The following DNAH11 variants were observed in gnomAD, a reference collection of about 807,000 sequenced individuals.
DNAH11 encodes the protein axonemal beta dynein heavy chain 11.
A neutral mutation model predicts 526.0 loss-of-function variants in DNAH11; 442 were observed. That is an observed-to-expected ratio of 0.84 (90% CI 0.78 to 0.91). The LOEUF (loss-of-function observed/expected upper bound fraction) is 0.91, where lower values mean the gene tolerates loss of function less well. Among genes scored for constraint, DNAH11 ranks in the 40% least tolerant of loss-of-function variants. DNAH11 has a pLI of 0.00. For missense variants in DNAH11, 6,989 were observed against 5,448.7 expected, an observed-to-expected ratio of 1.28 and a Z score of -8.90; for synonymous variants, 2,461 against 1,935.9, an observed-to-expected ratio of 1.27 and a Z score of -7.12.
intron 61 of DNAH11, among the ~76,000 whole-genome samples, chr7:21,798,252 G>A (rs1788804569): frequency 6.6e-6 from 1 of 152,136 alleles, no homozygotes; most frequent in Non-Finnish European, 1.5e-5. Flanking sequence ...GTGCCACCAT[G>A]CCCGGCTAAT....
At chr7:21,620,531 C>G (rs755101346) in intron 25 of DNAH11, among the ~76,000 whole-genome samples, 2 of 151,966 alleles carry the variant, frequency 1.3e-5, no homozygotes, top group Non-Finnish European at 2.9e-5. Flanking sequence ...TAGGGTCATC[C>G]ATGTTGTTGC....
rs72657393 is a variant in DNAH11, at chr7:21,808,041, C to T, written c.10324C>T (p.Gln3442Ter). ...LVHCKWVPFL[Q>*]QKVSIPLTEG... is the part of the protein sequence containing the mutation. ...GCACTGCAAGTGGGTTCCCTTTCTT[C>T]AACAGAAGGTAAGTTCAGTTCCTTA... Residue 3442 changes from glutamine (Q) to a stop codon, truncating the protein, a stop_gained, in exon 63 of 82, where the codon CAA (glutamine) becomes TAA (stop). Coordinates refer to ENST00000409508, the MANE Select transcript of DNAH11 (RefSeq NM_001277115.2). LOFTEE classifies it high-confidence loss of function. The T allele has an allele frequency of 2.0e-6, 3 of 1,534,406 alleles. No homozygotes were observed. Among genetic ancestry groups the T allele is most frequent in the Non-Finnish European group, 2.7e-6 (3 of 1,128,060 alleles).
At chr7:21,755,332 G>T (rs191820756) in intron 54 of DNAH11, among the ~76,000 whole-genome samples, 12 of 152,220 alleles carry the variant, frequency 7.9e-5, no homozygotes, top group Admixed American at 7.2e-4. Flanking sequence ...TCATCTTGCA[G>T]CTCGAATATA....
chr7:21,776,456 A>G (rs1787675948), intron 56 of DNAH11, among the ~76,000 whole-genome samples: 1 of 152,182 alleles, frequency 6.6e-6, no homozygotes, highest in Non-Finnish European at 1.5e-5. Flanking sequence ...ATGCCTGTAT[A>G]TTGGGGCATG....
At position 21,601,375 on chromosome 7, in the gene DNAH11, A is replaced by G. The variant is rs542832411; in HGVS notation, c.3426-21A>G. The G allele has an allele frequency of 2.2e-4, 358 of 1,591,548 alleles. 2 individuals are homozygous for G. In the Middle Eastern group the frequency reaches 3.1e-3, roughly 14 times the overall value. On this transcript the variant is annotated intron_variant, in intron 17 of 81. Transcript: ENST00000409508. ...TAATAAACTTAATTTGTGTGTATCTATGTACATATATATTTAATAGTCTGA... is the reference window on the plus strand; with the variant it reads ...TAATAAACTTAATTTGTGTGTATCTGTGTACATATATATTTAATAGTCTGA...
chr7:21,794,784 T>C (rs964781159), intron 61 of DNAH11, among the ~76,000 whole-genome samples: 1 of 152,196 alleles, frequency 6.6e-6, no homozygotes, highest in African/African-American at 2.4e-5. Flanking sequence ...ATACTTCCTC[T>C]GGGTTACGGT....
chr7:21,712,666 T>C (rs776101309), intron 42 of DNAH11, among the ~76,000 whole-genome samples: 7 of 152,252 alleles, frequency 4.6e-5, no homozygotes, highest in Non-Finnish European at 8.8e-5. Context: ...TTTGTATGTC[T>C]TCTTTGGAAA....
At chr7:21,544,301 ATG>A (rs1449680484) in intron 1 of DNAH11, among the ~76,000 whole-genome samples, 2 of 152,208 alleles carry the variant, frequency 1.3e-5, no homozygotes, top group Non-Finnish European at 2.9e-5. Flanking sequence ...TTAACATGTT[ATG>A]TCGTTTTATC....
intron 48 of DNAH11, among the ~76,000 whole-genome samples, chr7:21,741,557 G>T (rs1480662599): frequency 8.5e-5 from 13 of 152,196 alleles, no homozygotes; most frequent in Admixed American, 8.5e-4. Context: ...GATCTTGGCT[G>T]GGCTCATCTG....
At chr7:21,699,230 G>T (rs1783966696) in intron 36 of DNAH11, among the ~76,000 whole-genome samples, 1 of 152,126 alleles carries the variant, frequency 6.6e-6, no homozygotes, top group Non-Finnish European at 1.5e-5. Context: ...GGGTTGACTG[G>T]TTTTTTGTTC....
At chr7:21,623,073 A>T (rs2128455435) in intron 25 of DNAH11, among the ~76,000 whole-genome samples, 1 of 151,842 alleles carries the variant, frequency 6.6e-6, no homozygotes, top group Non-Finnish European at 1.5e-5. Flanking sequence ...TACTCATCTG[A>T]CAAAGGGCTA....
At chr7:21,663,757 C>CTTTT (rs34243043) in intron 30 of DNAH11, among the ~76,000 whole-genome samples, 2 of 145,758 alleles carry the variant, frequency 1.4e-5, no homozygotes, top group Non-Finnish European at 3.0e-5. Context: ...ACAGGATTTC[C>CTTTT]TTTTTTTTTT....
In DNAH11 at chr7:21,654,520, C is replaced by G. The variant is rs545224405; in HGVS notation, c.4945-1312C>G. Among the ~76,000 whole-genome samples, 6 of 152,226 alleles carry G rather than the reference C, an allele frequency of 3.9e-5. No individual in the cohort carries two copies. The South Asian group carries it at 1.2e-3, about 32-fold the overall frequency. On this transcript the variant is annotated intron_variant, in intron 28 of 81. Transcript: ENST00000409508. ...CATTTAGGTTGTTTCCGCCTTTTGG[C>G]TATTGTGAATAATGCTTCGATGAAC...
chr7:21,677,911 C>G (rs1177600928), intron 30 of DNAH11, among the ~76,000 whole-genome samples: 5 of 152,104 alleles, frequency 3.3e-5, no homozygotes, highest in African/African-American at 1.2e-4. Flanking sequence ...TTGCCCATTG[C>G]TAATCAGCCT....
rs1483834049 is a variant in DNAH11 at position 21,868,868 on chromosome 7, A to T, written c.11844A>T (p.Lys3948Asn). 1.9e-6 allele frequency: 3 copies of T among 1,613,904 alleles called. No homozygotes were observed. Among genetic ancestry groups the T allele is most frequent in the Non-Finnish European group, 2.5e-6 (3 of 1,179,854 alleles). ...CCGTGGTGTATTCTCCCACAGGCAA[A>T]AGACTTGGCTTTACAATTGACTCTG... ...DALKDLEILGKRLGFTIDSGK... is the reference protein window; with the variant it reads ...DALKDLEILGNRLGFTIDSGK... The change falls in exon 73 of 82, where the codon AAA (lysine) becomes AAT (asparagine). Residue 3948 changes from lysine to asparagine, a missense_variant. Physicochemically the swap from Lys to Asn is moderately conservative, Grantham distance 94 (BLOSUM62 0). Coordinates refer to ENST00000409508, the MANE Select transcript of DNAH11 (RefSeq NM_001277115.2).
chr7:21,744,422 CAT>C lies in DNAH11; in HGVS notation c.8155-15_8155-14del. 7 of 1,610,086 alleles carry C rather than the reference CAT, an allele frequency of 4.3e-6. No homozygotes were observed. Among genetic ancestry groups the C allele is most frequent in the Non-Finnish European group, 5.9e-6 (7 of 1,178,702 alleles). On this transcript the variant is annotated splice_polypyrimidine_tract_variant and intron_variant, in intron 49 of 81. Coordinates refer to ENST00000409508, the MANE Select transcript of DNAH11 (RefSeq NM_001277115.2). ...GCCTCTGAATTAAAGGTATTTTCCC[CAT>C]TCTTGCCTTGTAGGGGATTTTATTT...
At chr7:21,668,158 T>C (rs1782493761) in intron 30 of DNAH11, among the ~76,000 whole-genome samples, 1 of 152,140 alleles carries the variant, frequency 6.6e-6, no homozygotes, top group South Asian at 2.1e-4. Flanking sequence ...TTTGTGTGGA[T>C]TTTTTACTTA....
intron 45 of DNAH11, among the ~76,000 whole-genome samples, chr7:21,733,711 G>A (rs945343613): frequency 1.7e-4 from 26 of 152,264 alleles, no homozygotes; most frequent in Admixed American, 1.2e-3. Context: ...TAGTAGAAGA[G>A]AACCATAGAA....
intron 49 of DNAH11, among the ~76,000 whole-genome samples, chr7:21,744,043 C>T (rs913945203): frequency 7.2e-5 from 11 of 152,112 alleles, no homozygotes; most frequent in African/African-American, 2.7e-4. Context: ...TATTCTTCAT[C>T]TGTGAAATGA....
Sources: allele counts gnomAD v4.1 joint callset (sites outside exome capture counted in the v4.1 genomes callset), GRCh38; gene constraint gnomAD v4.1.1; transcripts MANE v1.5; gene names NCBI Gene and HGNC (gene_info 2026-07-23, HGNC 2026-07-21).